Variants in MCUB observed in about 807,000 individuals in gnomAD.
MCUB encodes the protein calcium uniporter regulatory subunit MCUb, mitochondrial.
In MCUB, 46 loss-of-function variants were observed where a neutral mutation model predicts 41.4. The observed-to-expected ratio is 1.11, with a 90% CI of 0.88 to 1.42. The LOEUF is 1.42. Among genes scored for constraint, MCUB ranks in the 40% most tolerant of loss-of-function variants. The pLI is 0.00. For missense variants in MCUB, 403 were observed against 404.9 expected (o/e 1.00, Z 0.04); for synonymous variants, 148 against 148.2 (o/e 1.00, Z 0.01).
At chr4:109,587,056 T>TC (rs1235449430) in intron 1 of MCUB, among the ~76,000 whole-genome samples, 1 of 152,228 alleles carries the variant, frequency 6.6e-6, no homozygotes, top group Non-Finnish European at 1.5e-5. Flanking sequence ...TATGCCCTGT[T>TC]CCCAGAGGTG....
rs1174095338 is a variant in MCUB, at chr4:109,560,304, A to G, written c.-34A>G. 17 of 1,104,242 alleles carry G rather than the reference A, an allele frequency of 1.5e-5. No homozygotes were observed. Among genetic ancestry groups the G allele is most frequent in the Non-Finnish European group, 1.8e-5 (16 of 867,750 alleles). 68.4% of individuals were successfully genotyped at this position (1,104,242 alleles called of 1,614,324 possible). On this transcript the variant is annotated 5_prime_UTR_variant, in exon 1 of 8. It removes the in-frame stop codon of an upstream open reading frame in the 5' UTR. Coordinates refer to ENST00000394650, the MANE Select transcript of MCUB (RefSeq NM_017918.5). ...CCGGCTGAGGGAGGATGCGCCGCTG[A>G]CGCCTGCGGGAGCCGCGCGCCTGGG...
intron 4 of MCUB, among the ~76,000 whole-genome samples, chr4:109,667,343 T>G (rs1729366680): frequency 6.6e-6 from 1 of 152,024 alleles, no homozygotes; most frequent in Non-Finnish European, 1.5e-5. Context: ...TTAATCTATT[T>G]TGTCTAGGTT....
rs117904116 is a variant in MCUB, at chr4:109,630,548, T to C, written c.100-28463T>C. On this transcript the variant is annotated intron_variant, in intron 1 of 7. Transcript: ENST00000394650. Reference sequence around the variant, plus strand: ...TATAAGTCAGATGATACATAAATGATTTCAGCTGCAAAATTCTGTTTTTTG... The same window carrying C: ...TATAAGTCAGATGATACATAAATGACTTCAGCTGCAAAATTCTGTTTTTTG... 4.5e-3 allele frequency among the ~76,000 whole-genome samples: 690 copies of C among 151,918 alleles called. 17 individuals carry two copies. The South Asian group carries it at 0.061, about 14-fold the overall frequency.
chr4:109,614,447 C>G (rs972006490), intron 1 of MCUB, among the ~76,000 whole-genome samples: 1 of 151,750 alleles, frequency 6.6e-6, no homozygotes, highest in Non-Finnish European at 1.5e-5. Flanking sequence ...AGAAACAGGG[C>G]AGAGTTGCTT....
intron 1 of MCUB, among the ~76,000 whole-genome samples, chr4:109,595,938 T>C (rs1275839020): frequency 6.8e-6 from 1 of 146,870 alleles, no homozygotes; most frequent in African/African-American, 2.6e-5. Context: ...TGTAAACTTC[T>C]GTTTTCCACT....
intron 1 of MCUB, among the ~76,000 whole-genome samples, chr4:109,612,206 G>A (rs1157901748): frequency 2.0e-5 from 3 of 151,228 alleles, no homozygotes; most frequent in South Asian, 4.2e-4. Context: ...CCTTCTTGTT[G>A]CATTCTTCAA....
At chr4:109,594,779 C>CT (rs566721839) in intron 1 of MCUB, among the ~76,000 whole-genome samples, 3,544 of 143,422 alleles carry the variant, frequency 0.025, 50 homozygotes, top group Non-Finnish European at 0.037. Context: ...AATTCTCTTT[C>CT]TTTTTTTTTT....
intron 1 of MCUB, among the ~76,000 whole-genome samples, chr4:109,606,848 G>A (rs571488542): frequency 1.3e-5 from 2 of 152,180 alleles, no homozygotes; most frequent in East Asian, 3.9e-4. Flanking sequence ...CTGGATTCAA[G>A]CAATTCTCCT....
intron 1 of MCUB, among the ~76,000 whole-genome samples, chr4:109,585,378 C>T (rs190178484): frequency 6.6e-6 from 1 of 152,308 alleles, no homozygotes; most frequent in African/African-American, 2.4e-5. Flanking sequence ...ATACAGCACA[C>T]TGATGGGTCT....
intron 1 of MCUB, among the ~76,000 whole-genome samples, chr4:109,589,555 G>A (rs144116789): frequency 6.6e-6 from 1 of 152,258 alleles, no homozygotes; most frequent in East Asian, 1.9e-4. Context: ...GCCATCCTCC[G>A]TGCTGGGATG....
intron 7 of MCUB, among the ~76,000 whole-genome samples, 191 bp downstream of exon 7, chr4:109,685,558 G>A (rs1318825140): frequency 6.6e-6 from 1 of 152,136 alleles, no homozygotes; most frequent in African/African-American, 2.4e-5. Context: ...TTCTGTACAT[G>A]AAGATAGCTT....
At chr4:109,581,241 A>C (rs1451395261) in intron 1 of MCUB, among the ~76,000 whole-genome samples, 2 of 152,198 alleles carry the variant, frequency 1.3e-5, no homozygotes, top group Non-Finnish European at 2.9e-5. Context: ...AACTACAACT[A>C]TCTGTTCTTT....
rs551913569 is a variant in MCUB at position 109,670,691 on chromosome 4, G to C, written c.451+6297G>C. ...AGATCATGTCATTGCACTCCAGCCTGGGCAACAGAGCGAGGAGACTCTGTC... is the reference window on the plus strand; with the variant it reads ...AGATCATGTCATTGCACTCCAGCCTCGGCAACAGAGCGAGGAGACTCTGTC... On this transcript the variant is annotated intron_variant, in intron 4 of 7. Coordinates refer to ENST00000394650, the MANE Select transcript of MCUB (RefSeq NM_017918.5). Among the ~76,000 whole-genome samples, 19 of 151,890 alleles carry C rather than the reference G, an allele frequency of 1.3e-4. No individual in the cohort carries two copies. In the South Asian group the frequency reaches 4.0e-3, roughly 32 times the overall value.
At chr4:109,638,727 C>T (rs1402677260) in intron 1 of MCUB, among the ~76,000 whole-genome samples, 1 of 152,166 alleles carries the variant, frequency 6.6e-6, no homozygotes, top group Non-Finnish European at 1.5e-5. Context: ...TCAGTCCCTC[C>T]AAACTCTGCC....
chr4:109,682,535 C>G (rs190359588), intron 4 of MCUB, 47 bp from the exon 5 acceptor site: 1 of 1,504,600 alleles, frequency 6.6e-7, no homozygotes, highest in South Asian at 1.3e-5. Flanking sequence ...ACACACCCTG[C>G]GGGAACAATG....
intron 1 of MCUB, among the ~76,000 whole-genome samples, chr4:109,600,552 T>C (rs900563488): frequency 2.6e-5 from 4 of 152,204 alleles, no homozygotes; most frequent in African/African-American, 4.8e-5. Context: ...TCTGATGCTC[T>C]GAGGAGCCCA....
intron 1 of MCUB, among the ~76,000 whole-genome samples, chr4:109,620,545 G>T (rs1247749050): frequency 1.3e-5 from 2 of 150,120 alleles, no homozygotes; most frequent in Non-Finnish European, 3.0e-5. Flanking sequence ...ATAAGCGTTT[G>T]CTGAGATCCT....
chr4:109,652,289 T>C (rs1022025524), intron 1 of MCUB, among the ~76,000 whole-genome samples: 3 of 152,066 alleles, frequency 2.0e-5, no homozygotes, highest in Non-Finnish European at 2.9e-5. Context: ...CAGCTCATAA[T>C]AGTGTTCTAT....
At chr4:109,582,065 A>G (rs1460319404) in intron 1 of MCUB, among the ~76,000 whole-genome samples, 3 of 152,100 alleles carry the variant, frequency 2.0e-5, no homozygotes, top group African/African-American at 7.2e-5. Flanking sequence ...TGCTGCTATA[A>G]AGACACATGC....
Sources: gnomAD v4.1 joint callset for allele counts (sites outside exome capture counted in the v4.1 genomes callset) on GRCh38, gnomAD v4.1.1 for gene constraint, MANE v1.5 for transcripts, NCBI Gene and HGNC (gene_info 2026-07-23, HGNC 2026-07-21) for gene names.